The following ABTB2 variants were observed in gnomAD, a reference collection of about 807,000 sequenced individuals.
The protein encoded by ABTB2 is ankyrin repeat and BTB/POZ domain-containing protein 2.
A neutral mutation model predicts 104.1 loss-of-function variants in ABTB2; 56 were observed. That is an observed-to-expected ratio of 0.54 (90% CI 0.43 to 0.67). The LOEUF is 0.67. ABTB2 is among the 30% of genes least tolerant of loss of function. The pLI, the probability that ABTB2 is intolerant of heterozygous loss-of-function variation, is 0.00. For synonymous variants in ABTB2, 606 were observed against 608.2 expected, an observed-to-expected ratio of 1.00 and a Z score of 0.05; for missense variants, 1,279 against 1,407.7, an observed-to-expected ratio of 0.91 and a Z score of 1.46.
In ABTB2 at chr11:34,336,502, G is replaced by A. The variant is rs74935873; in HGVS notation, c.883+20199C>T. On this transcript the variant is annotated intron_variant, in intron 1 of 16. Transcript: ENST00000435224. ...TAAAAAATTTTAAAAAATTATCTGGGTGTGGTGACTTGTGCCTGTAGTCCC... is the reference window on the plus strand; with the variant it reads ...TAAAAAATTTTAAAAAATTATCTGGATGTGGTGACTTGTGCCTGTAGTCCC... 4.6e-3 allele frequency among the ~76,000 whole-genome samples: 703 copies of A among 152,118 alleles called. 2 individuals are homozygous for A. Among genetic ancestry groups the A allele is most frequent in the Middle Eastern group, 0.01 (3 of 294 alleles).
chr11:34,195,684 CT>C (rs1853245512), intron 3 of ABTB2, among the ~76,000 whole-genome samples: 1 of 152,216 alleles, frequency 6.6e-6, no homozygotes, highest in Non-Finnish European at 1.5e-5. Context: ...ACTTACTCAT[CT>C]GTAAATGGGG....
At chr11:34,334,415 T>A (rs1281684945) in intron 1 of ABTB2, among the ~76,000 whole-genome samples, 1 of 152,212 alleles carries the variant, frequency 6.6e-6, no homozygotes, top group Admixed American at 6.5e-5. Flanking sequence ...AGAAAGGGTA[T>A]GAATGGTGGC....
chr11:34,167,225 T>TG (rs1590204591), intron 7 of ABTB2, 34 bp downstream of exon 7: 2 of 1,566,442 alleles, frequency 1.3e-6, no homozygotes, highest in African/African-American at 1.3e-5. Flanking sequence ...CCTGGTAAGC[T>TG]GGGGGGCATG....
chr11:34,273,865 A>C (rs529946610), intron 1 of ABTB2, among the ~76,000 whole-genome samples: 1 of 152,258 alleles, frequency 6.6e-6, no homozygotes, highest in African/African-American at 2.4e-5. Flanking sequence ...AAAAATAATG[A>C]TATTTGGCCG....
At chr11:34,291,210 G>A (rs1193675311) in intron 1 of ABTB2, among the ~76,000 whole-genome samples, 1 of 152,218 alleles carries the variant, frequency 6.6e-6, no homozygotes, top group Non-Finnish European at 1.5e-5. Flanking sequence ...GGAATTAAGA[G>A]GACAATAGTC....
chr11:34,333,017 C>T (rs528412073), intron 1 of ABTB2, among the ~76,000 whole-genome samples: 8 of 152,176 alleles, frequency 5.3e-5, no homozygotes, highest in Non-Finnish European at 7.3e-5. Flanking sequence ...ACAGCTTTAA[C>T]TTATTAAGCA....
At chr11:34,332,143 G>T (rs1855138332) in intron 1 of ABTB2, among the ~76,000 whole-genome samples, 1 of 152,198 alleles carries the variant, frequency 6.6e-6, no homozygotes, top group Non-Finnish European at 1.5e-5. Context: ...GCTCCTGAAG[G>T]GCAGGACTGT....
chr11:34,275,245 C>A (rs1038866834), intron 1 of ABTB2, among the ~76,000 whole-genome samples: 1 of 152,230 alleles, frequency 6.6e-6, no homozygotes, highest in Non-Finnish European at 1.5e-5. Context: ...AGGGCTGAAG[C>A]CTGCAGGCCG....
At chr11:34,325,961 A>AAAATAAAAT (rs1168383085) in intron 1 of ABTB2, among the ~76,000 whole-genome samples, 3 of 84,012 alleles carry the variant, frequency 3.6e-5, no homozygotes, top group Non-Finnish European at 9.1e-5. Flanking sequence ...AAAATAAAAT[A>AAAATAAAAT]AAATAAAATA....
intron 1 of ABTB2, among the ~76,000 whole-genome samples, chr11:34,349,001 C>T (rs1855367874): frequency 2.6e-5 from 4 of 152,294 alleles, no homozygotes; most frequent in Non-Finnish European, 4.4e-5. Flanking sequence ...ATGATGCCGG[C>T]ATGGCATTCC....
At position 34,164,804 on chromosome 11, in the gene ABTB2, T is replaced by A; in HGVS notation, c.1870A>T (p.Ser624Cys). 1 of 1,584,722 alleles carries A rather than the reference T, an allele frequency of 6.3e-7. No individual in the cohort carries two copies. Among genetic ancestry groups the A allele is most frequent in the Non-Finnish European group, 8.5e-7 (1 of 1,170,464 alleles). Residue 624 changes from serine (S) to cysteine (C), a missense_variant, in exon 9 of 17, where the codon AGT becomes TGT. By Grantham distance (112) the Ser-to-Cys change is moderately radical. Transcript: ENST00000435224. ...ASAAGNYELVSLLLSRGADPL... is the reference protein window; with the variant it reads ...ASAAGNYELVCLLLSRGADPL... Reference sequence around the variant, plus strand: ...TCGGCGCCTCGGCTCAGCAACAAACTGACCAGCTCATAGTTCCCTGAAAGA... The same window carrying A: ...TCGGCGCCTCGGCTCAGCAACAAACAGACCAGCTCATAGTTCCCTGAAAGA...
At chr11:34,251,408 G>A (rs563951829) in intron 1 of ABTB2, among the ~76,000 whole-genome samples, 1 of 152,266 alleles carries the variant, frequency 6.6e-6, no homozygotes, top group African/African-American at 2.4e-5. Context: ...GAGAAATACA[G>A]CCAGAAACAC....
chr11:34,166,918 C>T lies in ABTB2; in HGVS notation c.1755+341G>A, dbSNP rs757578031. On this transcript the variant is annotated intron_variant, in intron 7 of 16. Coordinates refer to ENST00000435224, the MANE Select transcript of ABTB2 (RefSeq NM_145804.3). ...ACGAGGGAGGAGAAAAGGGAAGGGT[C>T]GGAAAGGCGGCTGTAGGCGAGAAAG... Among the ~76,000 whole-genome samples, 8 of 152,198 alleles carry T rather than the reference C, an allele frequency of 5.3e-5. No individual in the cohort carries two copies. The South Asian group carries it at 1.0e-3, about 20-fold the overall frequency.
At chr11:34,218,846 CAAAAAAAAAAAAA>C (rs35803950) in intron 1 of ABTB2, among the ~76,000 whole-genome samples, 2 of 60,966 alleles carry the variant, frequency 3.3e-5, no homozygotes, top group Admixed American at 4.8e-4. Context: ...AACTCCATCT[CAAAAAAAAAAAAA>C]AAAAAAAAAA....
intron 1 of ABTB2, among the ~76,000 whole-genome samples, chr11:34,277,511 C>T (rs1281594767): frequency 2.6e-5 from 4 of 151,116 alleles, no homozygotes; most frequent in African/African-American, 9.7e-5. Context: ...TGGCTGGGTA[C>T]GGTGGCTCAT....
chr11:34,278,279 T>C (rs190909373), intron 1 of ABTB2, among the ~76,000 whole-genome samples: 28 of 152,268 alleles, frequency 1.8e-4, no homozygotes, highest in African/African-American at 6.5e-4. Context: ...GCTGGGGATG[T>C]TAAAGGGAAA....
At chr11:34,326,087 A>G (rs1343445433) in intron 1 of ABTB2, among the ~76,000 whole-genome samples, 1 of 152,172 alleles carries the variant, frequency 6.6e-6, no homozygotes, top group African/African-American at 2.4e-5. Flanking sequence ...AATTCCTTCC[A>G]GGTCTTTCTT....
At chr11:34,321,122 C>T (rs1225603425) in intron 1 of ABTB2, among the ~76,000 whole-genome samples, 1 of 152,220 alleles carries the variant, frequency 6.6e-6, no homozygotes, top group African/African-American at 2.4e-5. Flanking sequence ...GCGGAGGTTG[C>T]AGTGAGCTGA....
intron 2 of ABTB2, among the ~76,000 whole-genome samples, chr11:34,199,352 G>A (rs983606780): frequency 9.9e-5 from 15 of 152,036 alleles, no homozygotes; most frequent in African/African-American, 3.1e-4. Flanking sequence ...CATCCATACC[G>A]TTGGAGTTCA....
Sources: gnomAD v4.1 joint callset for allele counts (sites outside exome capture counted in the v4.1 genomes callset) on GRCh38, gnomAD v4.1.1 for gene constraint, MANE v1.5 for transcripts, NCBI Gene and HGNC (gene_info 2026-07-23, HGNC 2026-07-21) for gene names.